Variants in ZNF765 observed in about 807,000 individuals in gnomAD.
The protein encoded by ZNF765 is zinc finger protein 765.
ZNF765 carries 37 observed loss-of-function variants against 44.7 expected under a neutral mutation model. The ratio of observed to expected loss-of-function variants is 0.83; its 90% CI spans 0.64 to 1.09. The LOEUF is 1.09. Ranked by LOEUF, ZNF765 falls within the 50% of genes least tolerant of loss-of-function variation. The probability of loss-of-function intolerance (pLI) is 0.00; values close to 1 mark genes in which losing one functional copy is unlikely to be tolerated. For missense variants in ZNF765, 594 were observed against 626.1 expected, an observed-to-expected ratio of 0.95 and a Z score of 0.55; for synonymous variants, 201 against 213.7, an observed-to-expected ratio of 0.94 and a Z score of 0.52.
Position 53,410,018 on chromosome 19 carries a change from A to C in ZNF765, c.*891A>C. On this transcript the variant is annotated 3_prime_UTR_variant, in exon 4 of 4. Transcript: ENST00000396408. ...ATCCTACAAGTGTGATAAATGCAGA[A>C]TAAATGCAGAAAATTTTTCAGACAT... is the stretch of plus-strand genomic sequence containing the variant. 3 of 505,792 alleles carry C rather than the reference A, an allele frequency of 5.9e-6. No individual in the cohort carries two copies. In the Admixed American group the frequency reaches 7.1e-5, roughly 12 times the overall value. 31.3% of individuals were successfully genotyped at this position (505,792 alleles called of 1,614,324 possible).
intron 3 of ZNF765, chr19:53,423,042 T>C: frequency 1.4e-6 from 1 of 690,458 alleles, no homozygotes; most frequent in Non-Finnish European, 2.6e-6. Flanking sequence ...TGGATGTAAA[T>C]TTCTTTTTTG....
At chr19:53,425,999 CT>C (rs1439977639) in exon 4 of ZNF765, 2 of 152,288 alleles carry the variant, frequency 1.3e-5, no homozygotes, top group African/African-American at 4.8e-5. Flanking sequence ...TTATTACAAT[CT>C]CTCATCTCCG....
exon 4 of ZNF765, chr19:53,424,694 AT>A (rs1270261503): frequency 8.3e-6 from 1 of 120,836 alleles, no homozygotes; most frequent in East Asian, 2.8e-4. Context: ...ACGGAGTTTC[AT>A]TCTTGTTGCC....
rs565426748 is a variant in ZNF765, at chr19:53,422,115, C to G, written c.143-947C>G. 2.0e-5 allele frequency among the ~76,000 whole-genome samples: 3 copies of G among 152,252 alleles called. No homozygotes were observed. In the South Asian group the frequency reaches 6.2e-4, roughly 32 times the overall value. On this transcript the variant is annotated intron_variant, in intron 3 of 3. Transcript: ENST00000594030. ...TATCAGCCTCTGGGGTAATGTTTTACATGTCAATGGAAACCGGTGAAAAAT... is the reference window on the plus strand; with the variant it reads ...TATCAGCCTCTGGGGTAATGTTTTAGATGTCAATGGAAACCGGTGAAAAAT...
chr19:53,420,373 C>A (rs1309648206), intron 3 of ZNF765, among the ~76,000 whole-genome samples: 3 of 152,096 alleles, frequency 2.0e-5, no homozygotes, highest in Non-Finnish European at 4.4e-5. Context: ...AAATCCAAAT[C>A]TACCATTTCA....
chr19:53,409,304 C>A lies in ZNF765; in HGVS notation c.*177C>A, dbSNP rs1335258144. The A allele has an allele frequency of 8.7e-6, 8 of 924,454 alleles. No individual in the cohort carries two copies. In the East Asian group the frequency reaches 1.7e-4, roughly 19 times the overall value. 57.3% of individuals were successfully genotyped at this position (924,454 alleles called of 1,614,324 possible). A position where few individuals can be genotyped will look rare whatever the true frequency, so the allele number is the denominator to read the frequency against. ...AATCTTACAAGTGTAATGAGTGTGG[C>A]AAGACCTTGAGTCATACGTCATCTT... On this transcript the variant is annotated 3_prime_UTR_variant, in exon 4 of 4. Transcript: ENST00000396408.
chr19:53,414,687 T>G, downstream of ZNF765, among the ~76,000 whole-genome samples: 1 of 149,650 alleles, frequency 6.7e-6, no homozygotes, highest in African/African-American at 2.5e-5. Flanking sequence ...TGTTGGGATG[T>G]GGCATTTTAT....
In ZNF765 at chr19:53,402,182, G is replaced by A. The variant is rs2085733072; in HGVS notation, c.133G>A (p.Val45Ile). The change falls in exon 3 of 4, where the codon GTC (valine) becomes ATC (isoleucine). Residue 45 changes from valine (V) to isoleucine (I), a missense_variant. This residue lies in a region of ZNF765 where 27 missense variants were observed against 53.6 expected (regional missense o/e 0.50). Transcript: ENST00000396408. ...GATGCTGGAGAATTATAGGAACCTG[G>A]TCTCCCTGGGTGAGGATGACTTCCC... ...DVMLENYRNLVSLDISSKCMM... is the reference protein window; with the variant it reads ...DVMLENYRNLISLDISSKCMM... The A allele has an allele frequency of 6.2e-7, 1 of 1,612,970 alleles. No individual in the cohort carries two copies. The highest frequency in any genetic ancestry group is 8.5e-7 in the Non-Finnish European group (1 of 1,179,788).
exon 4 of ZNF765, chr19:53,424,597 C>G (rs185332254): frequency 6.6e-6 from 1 of 151,732 alleles, no homozygotes; most frequent in East Asian, 1.9e-4. Flanking sequence ...CAGAAAATGG[C>G]TCTCTGGAAC....
exon 4 of ZNF765, chr19:53,424,016 A>T (rs2085923618): frequency 6.6e-6 from 1 of 152,382 alleles, no homozygotes; most frequent in Non-Finnish European, 1.5e-5. Context: ...CAGATGGGGG[A>T]ATGTGCGCAG....
chr19:53,412,932 A>C (rs567385309), downstream of ZNF765, among the ~76,000 whole-genome samples: 7 of 152,144 alleles, frequency 4.6e-5, no homozygotes, highest in East Asian at 1.4e-3. Flanking sequence ...TAACATGGTG[A>C]AACCCCGTCT....
At chr19:53,416,535 G>A (rs1412097709), downstream of ZNF765, among the ~76,000 whole-genome samples, 1 of 152,028 alleles carries the variant, frequency 6.6e-6, no homozygotes, top group Admixed American at 6.6e-5. Flanking sequence ...AACATTATAG[G>A]ACCAGTAAAC....
At chr19:53,406,276 A>T (rs1239976784) in intron 3 of ZNF765, among the ~76,000 whole-genome samples, 4 of 151,390 alleles carry the variant, frequency 2.6e-5, no homozygotes, top group African/African-American at 9.7e-5. Context: ...TGATCTGCCC[A>T]CCTCAGCCTC....
At chr19:53,403,460 T>C (rs935659069) in intron 3 of ZNF765, among the ~76,000 whole-genome samples, 1 of 152,250 alleles carries the variant, frequency 6.6e-6, no homozygotes, top group Non-Finnish European at 1.5e-5. Flanking sequence ...TTTTGTTTGT[T>C]TGTTTGTTTA....
chr19:53,421,522 T>TA (rs933216961), intron 3 of ZNF765, among the ~76,000 whole-genome samples: 19 of 147,432 alleles, frequency 1.3e-4, no homozygotes, highest in East Asian at 2.0e-4. Context: ...TTTATTTATT[T>TA]TTTTTTTTTG....
Position 53,409,297 on chromosome 19 carries a change from A to G in ZNF765, c.*170A>G. On this transcript the variant is annotated 3_prime_UTR_variant, in exon 4 of 4. Transcript: ENST00000396408. ...TGAAGAGAATCTTACAAGTGTAATG[A>G]GTGTGGCAAGACCTTGAGTCATACG... is the stretch of plus-strand genomic sequence containing the variant. 1.1e-6 allele frequency: 1 copy of G among 935,168 alleles called. No homozygotes were observed. Among genetic ancestry groups the G allele is most frequent in the East Asian group, 2.4e-5 (1 of 41,606 alleles). 57.9% of individuals were successfully genotyped at this position (935,168 alleles called of 1,614,324 possible). A position where few individuals can be genotyped will look rare whatever the true frequency, so the allele number is the denominator to read the frequency against.
chr19:53,406,837 C>T (rs2085780102), intron 3 of ZNF765, among the ~76,000 whole-genome samples: 1 of 152,134 alleles, frequency 6.6e-6, no homozygotes, highest in Non-Finnish European at 1.5e-5. Flanking sequence ...ATGGCTTGAA[C>T]CCAAAAGGTG....
At position 53,408,193 on chromosome 19, in the gene ZNF765, A is replaced by C. The variant is rs747171374; in HGVS notation, c.638A>C (p.Lys213Thr). ...TQKQEVHMRE[K>T]SFQCNDSGKA... is the part of the protein sequence containing the mutation. ...AAACAGGAAGTACATATGAGGGAAAAATCTTTCCAATGCAATGACAGTGGC... is the reference window on the plus strand; with the variant it reads ...AAACAGGAAGTACATATGAGGGAAACATCTTTCCAATGCAATGACAGTGGC... Residue 213 changes from lysine (K) to threonine (T), a missense_variant, in exon 4 of 4, where the codon AAA (lysine) becomes ACA (threonine). By Grantham distance (78) the Lys-to-Thr change is moderately conservative. Transcript: ENST00000396408. The C allele has an allele frequency of 1.5e-5, 25 of 1,614,082 alleles. No individual in the cohort carries two copies. The highest frequency in any genetic ancestry group is 2.0e-5 in the Non-Finnish European group (24 of 1,180,024).
At chr19:53,412,053 AG>A (rs2085838692), downstream of ZNF765, 1 of 168,818 alleles carries the variant, frequency 5.9e-6, no homozygotes, top group Non-Finnish European at 1.3e-5. Context: ...TGCTCTAGCT[AG>A]GACAGCCAGT....
Sources: allele counts gnomAD v4.1 joint callset (sites outside exome capture counted in the v4.1 genomes callset), GRCh38; gene constraint gnomAD v4.1.1; regional missense constraint gnomAD v4.1.1; transcripts MANE v1.5; gene names NCBI Gene and HGNC (gene_info 2026-07-23, HGNC 2026-07-21).